Variants in SLC25A48 observed in about 807,000 individuals in gnomAD.
The protein encoded by SLC25A48 is CTC-321K16.1.
Under a neutral mutation model 32.2 loss-of-function variants are expected in SLC25A48, and 29 were observed. The observed-to-expected ratio is 0.90, with a 90% CI of 0.67 to 1.23. The LOEUF (loss-of-function observed/expected upper bound fraction) is 1.23, where lower values mean the gene tolerates loss of function less well. Among genes scored for constraint, SLC25A48 ranks in the 50% most tolerant of loss-of-function variants. SLC25A48 has a pLI of 0.00. For missense variants in SLC25A48, 399 were observed against 422.7 expected (o/e 0.94, Z 0.49); for synonymous variants, 164 against 172.3 (o/e 0.95, Z 0.38).
chr5:135,742,589 G>A lies in SLC25A48; in HGVS notation c.-520-69934G>A, dbSNP rs1050548845. The stretch of plus-strand genomic sequence containing the variant: ...CATTTTCTCTTTGATTTCCTCTATA[G>A]CTGCAAAGAAAGCCAAAGTTTAGGG... On this transcript the variant is annotated intron_variant, in intron 3 of 10. Coordinates refer to the SLC25A48 transcript ENST00000646290. 1.4e-5 allele frequency: 15 copies of A among 1,110,770 alleles called. No homozygotes were observed. In the Admixed American group the frequency reaches 1.9e-4, roughly 14 times the overall value. The allele number at this position is 1,110,770 out of a possible 1,614,324, so 68.8% of individuals were successfully genotyped here.
chr5:135,857,872 TCATCAGGGAAGTCCTTAAAGGG>T (rs1240239359), intron 4 of SLC25A48, among the ~76,000 whole-genome samples: 6 of 152,120 alleles, frequency 3.9e-5, no homozygotes, highest in Non-Finnish European at 8.8e-5. Context: ...TTCAGATCTC[TCATCAGGGAAGTCCTTAAAGGG>T]ATCCTTAAAG....
At chr5:135,672,188 C>T (rs998812863) in intron 3 of SLC25A48, among the ~76,000 whole-genome samples, 1 of 152,074 alleles carries the variant, frequency 6.6e-6, no homozygotes, top group African/African-American at 2.4e-5. Flanking sequence ...TGTATGTAAC[C>T]CAATCACGAA....
intron 3 of SLC25A48, among the ~76,000 whole-genome samples, chr5:135,715,286 T>C (rs1350572182): frequency 1.3e-5 from 2 of 152,224 alleles, no homozygotes; most frequent in Admixed American, 6.5e-5. Context: ...CATTTCTGTC[T>C]CTTCCCTGCA....
chr5:135,770,209 T>G (rs982139739), intron 3 of SLC25A48, among the ~76,000 whole-genome samples: 1 of 148,002 alleles, frequency 6.8e-6, no homozygotes, highest in Non-Finnish European at 1.5e-5. Context: ...GGGTGTACAC[T>G]CCCCCTGAGA....
At position 135,587,602 on chromosome 5, in the gene SLC25A48, G is replaced by A. The variant is rs1490676320; in HGVS notation, c.-849+8005G>A. Among the ~76,000 whole-genome samples, 4 of 152,248 alleles carry A rather than the reference G, an allele frequency of 2.6e-5. No individual in the cohort carries two copies. The East Asian group carries it at 7.7e-4, about 29-fold the overall frequency. ...CTGATGGAGGAGAACAGGGTCCAAG[G>A]TGTTCCTCAGAGGATTTACCTGCCA... On this transcript the variant is annotated intron_variant, in intron 1 of 10. Coordinates refer to the SLC25A48 transcript ENST00000646290.
rs1350307329 is a variant in SLC25A48, at chr5:135,848,937, C to T, written c.91-1488C>T. ...ACTCAGGAGAGGAGTAGGGTGAGAGCGAAGGTGGGTCCAATGAAGCTTTAG... is the reference window on the plus strand; with the variant it reads ...ACTCAGGAGAGGAGTAGGGTGAGAGTGAAGGTGGGTCCAATGAAGCTTTAG... On this transcript the variant is annotated intron_variant, in intron 2 of 7. Transcript: ENST00000681962. 2.0e-5 allele frequency among the ~76,000 whole-genome samples: 3 copies of T among 152,134 alleles called. No homozygotes were observed. In the South Asian group the frequency reaches 6.2e-4, roughly 32 times the overall value.
intron 3 of SLC25A48, among the ~76,000 whole-genome samples, chr5:135,784,441 A>G (rs1457519902): frequency 8.5e-6 from 1 of 118,284 alleles, no homozygotes; most frequent in Non-Finnish European, 2.1e-5. Flanking sequence ...ATTGTTCCTA[A>G]TATCCACAGT....
chr5:135,797,855 A>G (rs993335878), intron 3 of SLC25A48, among the ~76,000 whole-genome samples: 1 of 151,764 alleles, frequency 6.6e-6, no homozygotes, highest in Non-Finnish European at 1.5e-5. Context: ...TACTTCCAAT[A>G]TCGCAAAAGG....
intron 4 of SLC25A48, among the ~76,000 whole-genome samples, chr5:135,870,804 T>G (rs966916941): frequency 6.6e-6 from 1 of 152,068 alleles, no homozygotes; most frequent in Admixed American, 6.6e-5. Flanking sequence ...CTCCCCCTCT[T>G]TTAACATAAG....
At chr5:135,796,145 G>T (rs1246258369) in intron 3 of SLC25A48, among the ~76,000 whole-genome samples, 1 of 151,716 alleles carries the variant, frequency 6.6e-6, no homozygotes, top group Admixed American at 6.6e-5. Flanking sequence ...GTGGGAGAGG[G>T]TGATATTACT....
intron 3 of SLC25A48, among the ~76,000 whole-genome samples, chr5:135,754,139 A>G (rs1755837988): frequency 6.6e-6 from 1 of 151,940 alleles, no homozygotes; most frequent in African/African-American, 2.4e-5. Flanking sequence ...GGGTGTATGC[A>G]CAGGGTGTAC....
intron 1 of SLC25A48, 24 bp downstream of exon 1, chr5:135,834,917 C>A: frequency 6.3e-7 from 1 of 1,596,928 alleles, no homozygotes. Flanking sequence ...CCGGGGACCC[C>A]CGGTCAGAGA....
At chr5:135,747,315 CT>C (rs59932539) in intron 3 of SLC25A48, among the ~76,000 whole-genome samples, 2,067 of 139,308 alleles carry the variant, frequency 0.015, 44 homozygotes, top group African/African-American at 0.049. Context: ...TTTTTCTTTC[CT>C]TTTTTTTTTG....
At chr5:135,813,884 G>A (rs4533880) in intron 4 of SLC25A48, among the ~76,000 whole-genome samples, 6,990 of 152,246 alleles carry the variant, frequency 0.046, 337 homozygotes, top group African/African-American at 0.12. Flanking sequence ...CAGAGCAACT[G>A]CACCAACCCC....
At chr5:135,831,401 C>T (rs1407488021), upstream of SLC25A48, among the ~76,000 whole-genome samples, 1 of 152,256 alleles carries the variant, frequency 6.6e-6, no homozygotes, top group Non-Finnish European at 1.5e-5. Flanking sequence ...AGGCAGTACC[C>T]TCTTCTCAGT....
intron 3 of SLC25A48, among the ~76,000 whole-genome samples, chr5:135,636,080 T>C (rs951623643): frequency 1.3e-5 from 2 of 152,216 alleles, no homozygotes; most frequent in Non-Finnish European, 2.9e-5. Flanking sequence ...TGAATGATTC[T>C]CATGAAAAAA....
chr5:135,791,893 A>G (rs1002418947), intron 3 of SLC25A48, among the ~76,000 whole-genome samples: 18 of 151,774 alleles, frequency 1.2e-4, no homozygotes, highest in African/African-American at 2.7e-4. Flanking sequence ...CAGGGTATGT[A>G]CATTCTGTGA....
chr5:135,639,203 A>G (rs1368410568), intron 3 of SLC25A48, among the ~76,000 whole-genome samples: 1 of 152,168 alleles, frequency 6.6e-6, no homozygotes, highest in Non-Finnish European at 1.5e-5. Flanking sequence ...TTAACTACCA[A>G]CTTTGTCTTT....
intron 3 of SLC25A48, among the ~76,000 whole-genome samples, chr5:135,695,046 A>G (rs1444414365): frequency 1.3e-5 from 2 of 152,052 alleles, no homozygotes; most frequent in Admixed American, 1.3e-4. Context: ...TTGCATTTGC[A>G]TCTTCCTGCT....
Sources: gnomAD v4.1 joint callset for allele counts (sites outside exome capture counted in the v4.1 genomes callset) on GRCh38, gnomAD v4.1.1 for gene constraint, MANE v1.5 for transcripts, NCBI Gene and HGNC (gene_info 2026-07-23, HGNC 2026-07-21) for gene names.